The following TUBD1 variants were observed in gnomAD, a reference collection of about 807,000 sequenced individuals.
TUBD1 encodes the protein tubulin delta 1.
A neutral mutation model predicts 51.2 loss-of-function variants in TUBD1; 38 were observed. The observed-to-expected ratio is 0.74, with a 90% CI of 0.57 to 0.97. TUBD1 has a LOEUF of 0.97. Among genes scored for constraint, TUBD1 ranks in the 50% least tolerant of loss-of-function variants. The pLI is 0.00. For synonymous variants in TUBD1, 169 were observed against 178.2 expected, an observed-to-expected ratio of 0.95 and a Z score of 0.41; for missense variants, 489 against 538.4, an observed-to-expected ratio of 0.91 and a Z score of 0.91.
At chr17:59,884,971 C>G (rs2040652828) in intron 3 of TUBD1, 1 of 229,804 alleles carries the variant, frequency 4.4e-6, no homozygotes, top group Non-Finnish European at 8.8e-6. Flanking sequence ...TACCCCAAAC[C>G]ACTTAAATCA....
At chr17:59,879,216 C>T (rs2040368513) in intron 4 of TUBD1, among the ~76,000 whole-genome samples, 1 of 138,564 alleles carries the variant, frequency 7.2e-6, no homozygotes, top group African/African-American at 2.7e-5. Flanking sequence ...TGCGGTGAGC[C>T]AAGATCGTGC....
At chr17:59,872,694 ATG>A (rs60720420) in intron 6 of TUBD1, among the ~76,000 whole-genome samples, 8,915 of 142,520 alleles carry the variant, frequency 0.063, 308 homozygotes, top group Non-Finnish European at 0.071. Context: ...GAAAATGGGA[ATG>A]TGTGTGTGTG....
At position 59,891,030 on chromosome 17, in the gene TUBD1, T is replaced by A; in HGVS notation, c.-28A>T. The A allele has an allele frequency of 6.3e-7, 1 of 1,578,690 alleles. No individual in the cohort carries two copies. Among genetic ancestry groups the A allele is most frequent in the Non-Finnish European group, 8.6e-7 (1 of 1,164,138 alleles). On this transcript the variant is annotated 5_prime_UTR_variant, in exon 2 of 9. Coordinates refer to ENST00000325752, the MANE Select transcript of TUBD1 (RefSeq NM_016261.4). ...TGAGCCACAAACTAGGTGTATTACCTCTAAAAACAACCTGTAATCGAAAAA... is the reference window on the plus strand; with the variant it reads ...TGAGCCACAAACTAGGTGTATTACCACTAAAAACAACCTGTAATCGAAAAA...
intron 2 of TUBD1, chr17:59,886,612 A>C (rs1351532354): frequency 7.0e-6 from 1 of 142,098 alleles, no homozygotes; most frequent in Non-Finnish European, 1.5e-5. Context: ...CCTGGGAGAC[A>C]GAGTGAGATT....
intron 2 of TUBD1, among the ~76,000 whole-genome samples, chr17:59,890,485 A>C (rs2040948802): frequency 6.6e-6 from 1 of 151,348 alleles, no homozygotes; most frequent in Non-Finnish European, 1.5e-5. Context: ...CTTGTGATCC[A>C]CTCGCCTCGG....
intron 6 of TUBD1, among the ~76,000 whole-genome samples, chr17:59,869,291 T>C (rs140649647): frequency 1.3e-5 from 2 of 151,688 alleles, no homozygotes; most frequent in Middle Eastern, 6.8e-3. Context: ...CTGGCCAATA[T>C]GGTGAAACCC....
intron 6 of TUBD1, among the ~76,000 whole-genome samples, chr17:59,869,507 ATGT>A (rs1348830952): frequency 6.6e-6 from 1 of 151,934 alleles, no homozygotes; most frequent in East Asian, 1.9e-4. Flanking sequence ...AAAAGAAAAA[ATGT>A]TGACACCCTA....
intron 8 of TUBD1, among the ~76,000 whole-genome samples, chr17:59,861,122 T>G (rs1807102810): frequency 6.6e-6 from 1 of 151,786 alleles, no homozygotes; most frequent in African/African-American, 2.4e-5. Flanking sequence ...GAGTGAAGCC[T>G]CCCAGGTGCT....
Position 59,860,407 on chromosome 17 carries a change from T to A in TUBD1, c.1277A>T (p.Tyr426Phe). The stretch of plus-strand genomic sequence containing the variant: ...CTCTTCTTCGATTCCAAATTTTGTG[T>A]ACTGATGAATGTAGGCTCTGGTAGA... Reference protein sequence around the residue: ...MFASKAYIHQYTKFGIEEEDF... With the variant: ...MFASKAYIHQFTKFGIEEEDF... Residue 426 changes from tyrosine (Y) to phenylalanine (F), a missense_variant, in exon 9 of 9, where the codon TAC (tyrosine) becomes TTC (phenylalanine). By Grantham distance (22) the Tyr-to-Phe change is conservative. Transcript: ENST00000325752. 1 of 1,603,574 alleles carries A rather than the reference T, an allele frequency of 6.2e-7. No individual in the cohort carries two copies.
chr17:59,864,296 C>T (rs2144426703), intron 7 of TUBD1, among the ~76,000 whole-genome samples: 1 of 151,810 alleles, frequency 6.6e-6, no homozygotes, highest in East Asian at 2.0e-4. Context: ...CAGATGCCCG[C>T]CACCATGCCT....
intron 8 of TUBD1, among the ~76,000 whole-genome samples, chr17:59,861,452 G>A (rs2039439962): frequency 6.6e-6 from 1 of 151,822 alleles, no homozygotes; most frequent in Non-Finnish European, 1.5e-5. Flanking sequence ...ACCTGCCTTG[G>A]CCTTCCAAAG....
intron 8 of TUBD1, 66 bp from the exon 9 acceptor site, chr17:59,860,490 AAAC>A (rs1568270016): frequency 2.1e-6 from 2 of 958,838 alleles, no homozygotes; most frequent in East Asian, 4.9e-5. Flanking sequence ...AGTAACTCTT[AAAC>A]AATAAACAGA....
chr17:59,881,277 G>A (rs987709163), intron 3 of TUBD1, 167 bp from the exon 4 acceptor site: 2 of 603,104 alleles, frequency 3.3e-6, no homozygotes, highest in Non-Finnish European at 5.8e-6. Flanking sequence ...AAATACATAA[G>A]TTGAATATAT....
chr17:59,892,002 AACAAG>A (rs1198292673), intron 1 of TUBD1: 2 of 152,102 alleles, frequency 1.3e-5, no homozygotes, highest in African/African-American at 4.8e-5. Context: ...AAAAAATAAA[AACAAG>A]ACAAAACAAA....
chr17:59,887,800 A>G (rs1403853427), intron 2 of TUBD1, among the ~76,000 whole-genome samples: 1 of 151,610 alleles, frequency 6.6e-6, no homozygotes, highest in African/African-American at 2.4e-5. Context: ...ACTAATTTTT[A>G]TTGTTTTTTT....
Position 59,878,178 on chromosome 17 carries a change from C to T in TUBD1, c.694G>A (p.Ala232Thr), listed in dbSNP as rs373399411. 14 of 1,614,080 alleles carry T rather than the reference C, an allele frequency of 8.7e-6. No individual in the cohort carries two copies. Among genetic ancestry groups the T allele is most frequent in the South Asian group, 5.5e-5 (5 of 91,076 alleles). ...ISFSDINQVLAHQLGSVFQPT... is the reference protein window; with the variant it reads ...ISFSDINQVLTHQLGSVFQPT... ...TGGAACACACTTCCCAGCTGATGTGCGAGGACTTGATTGATATCACTAAAG... is the reference window on the plus strand; with the variant it reads ...TGGAACACACTTCCCAGCTGATGTGTGAGGACTTGATTGATATCACTAAAG... Residue 232 changes from alanine to threonine, a missense_variant, in exon 5 of 9, where the codon GCA becomes ACA. Physicochemically the swap from Ala to Thr is moderately conservative, Grantham distance 58 (BLOSUM62 0). Coordinates refer to ENST00000325752, the MANE Select transcript of TUBD1 (RefSeq NM_016261.4).
chr17:59,871,799 T>C (rs1441271365), intron 6 of TUBD1, among the ~76,000 whole-genome samples: 2 of 151,408 alleles, frequency 1.3e-5, no homozygotes, highest in African/African-American at 2.4e-5. Flanking sequence ...GAAAGAATTC[T>C]TTTTTTTTAT....
intron 5 of TUBD1, 65 bp from the exon 6 acceptor site, chr17:59,874,768 A>G: frequency 7.3e-7 from 1 of 1,371,938 alleles, no homozygotes; most frequent in South Asian, 1.3e-5. Flanking sequence ...TAGTCTATAT[A>G]TAACCATGAT....
intron 5 of TUBD1, 66 bp from the exon 6 acceptor site, chr17:59,874,769 T>C (rs978778284): frequency 2.9e-6 from 4 of 1,361,796 alleles, no homozygotes; most frequent in Non-Finnish European, 4.1e-6. Flanking sequence ...AGTCTATATA[T>C]AACCATGATT....
Sources: gnomAD v4.1 joint callset for allele counts (sites outside exome capture counted in the v4.1 genomes callset) on GRCh38, gnomAD v4.1.1 for gene constraint, MANE v1.5 for transcripts, NCBI Gene and HGNC (gene_info 2026-07-23, HGNC 2026-07-21) for gene names.